Variants in DNAI3 observed in about 807,000 individuals in gnomAD.
The protein encoded by DNAI3 is WD repeat domain 63.
A neutral mutation model predicts 115.5 loss-of-function variants in DNAI3; 83 were observed. That is an observed-to-expected ratio of 0.72 (90% CI 0.60 to 0.86). The LOEUF is 0.86. Among genes scored for constraint, DNAI3 ranks in the 40% least tolerant of loss-of-function variants. DNAI3 has a pLI of 0.00. For synonymous variants in DNAI3, 320 were observed against 347.0 expected (o/e 0.92, Z 0.86); for missense variants, 1,004 against 1,075.8 (o/e 0.93, Z 0.93).
intron 14 of DNAI3, among the ~76,000 whole-genome samples, chr1:85,104,989 A>C (rs921926707): frequency 1.3e-5 from 2 of 152,238 alleles, no homozygotes; most frequent in African/African-American, 4.8e-5. Flanking sequence ...TATTTATAAA[A>C]AGTGTTTTTA....
At chr1:85,100,044 C>A (rs1045041745) in intron 13 of DNAI3, among the ~76,000 whole-genome samples, 4 of 152,150 alleles carry the variant, frequency 2.6e-5, no homozygotes, top group Admixed American at 1.3e-4. Flanking sequence ...GGCAATACCA[C>A]TCAGGACATA....
Position 85,093,646 on chromosome 1 carries a change from A to G in DNAI3, c.1046A>G (p.Tyr349Cys), listed in dbSNP as rs1025696559. The change falls in exon 9 of 23, where the codon TAT becomes TGT. Residue 349 changes from tyrosine (Y) to cysteine (C), a missense_variant and splice_region_variant. Around this residue, in one of 3 missense-constraint regions of DNAI3, gnomAD observed 550 missense variants for 568.1 expected, o/e 0.97. Transcript: ENST00000294664. ...ITCVSWHPTI[Y>C]GLIAVSVAVR... ...TGTGTCTCATGGCATCCAACTATCTATGGTGAGATGGAAATGATGGGGATT... is the reference window on the plus strand; with the variant it reads ...TGTGTCTCATGGCATCCAACTATCTGTGGTGAGATGGAAATGATGGGGATT... 6.2e-7 allele frequency: 1 copy of G among 1,613,770 alleles called. No homozygotes were observed. Among genetic ancestry groups the G allele is most frequent in the Non-Finnish European group, 8.5e-7 (1 of 1,179,648 alleles).
At chr1:85,103,533 T>A (rs924691085) in intron 13 of DNAI3, among the ~76,000 whole-genome samples, 1 of 152,172 alleles carries the variant, frequency 6.6e-6, no homozygotes, top group African/African-American at 2.4e-5. Context: ...AGAGCCTACA[T>A]TTCTAATAAT....
At chr1:85,062,521 A>T (rs185743738) in intron 1 of DNAI3, 35 bp downstream of exon 1, 1 of 152,348 alleles carries the variant, frequency 6.6e-6, no homozygotes, top group East Asian at 1.9e-4. Flanking sequence ...GGCGGCTTGG[A>T]AAACAAGTAT....
At chr1:85,067,994 A>G (rs1654148687) in intron 1 of DNAI3, among the ~76,000 whole-genome samples, 1 of 152,224 alleles carries the variant, frequency 6.6e-6, no homozygotes, top group Non-Finnish European at 1.5e-5. Flanking sequence ...TTGTTACAGC[A>G]TTAAGAGAAA....
At chr1:85,098,719 AAAG>A (rs1472238034) in intron 13 of DNAI3, 61 bp downstream of exon 13, 87 of 1,584,468 alleles carry the variant, frequency 5.5e-5, no homozygotes, top group Non-Finnish European at 1.7e-6. Context: ...GATTTTATGC[AAAG>A]AAGATGTTTC....
rs558177068 is a variant in DNAI3, at chr1:85,104,601, A to T, written c.1553+4A>T. 1 of 1,613,212 alleles carries T rather than the reference A, an allele frequency of 6.2e-7. No individual in the cohort carries two copies. The highest frequency in any genetic ancestry group is 8.5e-7 in the Non-Finnish European group (1 of 1,179,416). ...TTGTCACATGTTCAGCAGATTGGTAAGTCTTGTTTCAAACATTTCCTAATG... is the reference window on the plus strand; with the variant it reads ...TTGTCACATGTTCAGCAGATTGGTATGTCTTGTTTCAAACATTTCCTAATG... On this transcript the variant is annotated splice_donor_region_variant and intron_variant, in intron 14 of 22. Coordinates refer to ENST00000294664, the MANE Select transcript of DNAI3 (RefSeq NM_145172.5).
rs750437205 is a variant in DNAI3, at chr1:85,130,148, C to G, written c.2532+36C>G. 228 of 1,611,160 alleles carry G rather than the reference C, an allele frequency of 1.4e-4. 1 individual carries two copies. The East Asian group carries it at 5.0e-3, about 35-fold the overall frequency. On this transcript the variant is annotated intron_variant, in intron 22 of 22. Coordinates refer to ENST00000294664, the MANE Select transcript of DNAI3 (RefSeq NM_145172.5). The stretch of plus-strand genomic sequence containing the variant: ...TTTCAGAAATGAAAGATGTTTTCCT[C>G]GAACACCAGTGGAAATATATTTGTT...
Position 85,071,977 on chromosome 1 carries a change from C to CA in DNAI3, c.43dup (p.Arg15LysfsTer9), listed in dbSNP as rs74765968. ...AACAAAAGAAAAAGACATCACGTGGCAAAAAAAGACTAAAACCAGTATTAG... is the reference window on the plus strand; with the variant it reads ...AACAAAAGAAAAAGACATCACGTGGCAAAAAAAAGACTAAAACCAGTATTAG... On this transcript the variant is annotated frameshift_variant, in exon 2 of 23. Coordinates refer to ENST00000294664, the MANE Select transcript of DNAI3 (RefSeq NM_145172.5). LOFTEE classifies it high-confidence loss of function. The CA allele has an allele frequency of 3.7e-6, 6 of 1,609,788 alleles. No homozygotes were observed. Among genetic ancestry groups the CA allele is most frequent in the South Asian group, 3.3e-5 (3 of 90,018 alleles).
rs57553075 is a variant in DNAI3, at chr1:85,066,314, CTTTTTTTTTTT to C, written c.-15+3844_-15+3854del. Among the ~76,000 whole-genome samples the C allele has an allele frequency of 2.9e-4, 20 of 70,036 alleles. No homozygotes were observed. In the East Asian group the frequency reaches 5.4e-3, roughly 19 times the overall value. The allele number at this position is 70,036 out of a possible 152,430, so 45.9% of individuals were successfully genotyped here. ...TAGACGAATTATCTCTTCTGCTACT[CTTTTTTTTTTT>C]TTTTTTTTTTTTTTTGAGATGGAGT... On this transcript the variant is annotated intron_variant, in intron 1 of 22. Transcript: ENST00000294664.
At chr1:85,070,106 C>CA (rs1354110511) in intron 1 of DNAI3, among the ~76,000 whole-genome samples, 1 of 151,966 alleles carries the variant, frequency 6.6e-6, no homozygotes, top group Non-Finnish European at 1.5e-5. Context: ...ACTAAAAATA[C>CA]AAAAATTAGC....
In DNAI3 at chr1:85,111,022, C is replaced by T. The variant is rs143432326; in HGVS notation, c.1786+887C>T. On this transcript the variant is annotated intron_variant, in intron 16 of 22. Coordinates refer to ENST00000294664, the MANE Select transcript of DNAI3 (RefSeq NM_145172.5). Reference sequence around the variant, plus strand: ...ATAAAGGTATGCATGAATATCCCACCTGGAGAGCAATGCATAATGAAAATG... The same window carrying T: ...ATAAAGGTATGCATGAATATCCCACTTGGAGAGCAATGCATAATGAAAATG... Among the ~76,000 whole-genome samples, 603 of 152,270 alleles carry T rather than the reference C, an allele frequency of 4.0e-3. 6 individuals carry two copies. Among genetic ancestry groups the T allele is most frequent in the African/African-American group, 0.014 (577 of 41,554 alleles).
chr1:85,128,739 T>C lies in DNAI3; in HGVS notation c.2349T>C (p.Tyr783=), dbSNP rs761391364. 1 of 1,611,896 alleles carries C rather than the reference T, an allele frequency of 6.2e-7. No homozygotes were observed. The highest frequency in any genetic ancestry group is 8.5e-7 in the Non-Finnish European group (1 of 1,179,614). ...AGCAATTTATAGCCACAGCTGATTA[T>C]TATGGAACACTGCATATATTAGAAA... The part of the protein sequence containing the change: ...SKQQFIATAD[Y]YGTLHILEIP... Residue 783 remains tyrosine, a synonymous_variant, in exon 21 of 23, where the codon TAT becomes TAC. Transcript: ENST00000294664.
chr1:85,077,323 A>ACCTAAAGG (rs1274762754), intron 3 of DNAI3, among the ~76,000 whole-genome samples: 1 of 152,318 alleles, frequency 6.6e-6, no homozygotes, highest in East Asian at 1.9e-4. Flanking sequence ...GGAATCATAG[A>ACCTAAAGG]CCTAAAGGTA....
At chr1:85,099,658 T>C (rs1420270939) in intron 13 of DNAI3, among the ~76,000 whole-genome samples, 2 of 152,170 alleles carry the variant, frequency 1.3e-5, no homozygotes, top group Admixed American at 6.5e-5. Context: ...GAGCCCGCAT[T>C]GCCAAGTCAA....
rs376334573 is a variant in DNAI3 at position 85,110,155 on chromosome 1, T to TAA, written c.1786+33_1786+34dup. On this transcript the variant is annotated intron_variant, in intron 16 of 22. Coordinates refer to ENST00000294664, the MANE Select transcript of DNAI3 (RefSeq NM_145172.5). ...CACAAGGTAACTGCCTTTGCTTATT[T>TAA]AAAAAAAAAAAAAAGGCCGGGCGCG... 1.3e-4 allele frequency: 183 copies of TAA among 1,396,880 alleles called. 1 individual carries two copies. Among genetic ancestry groups the TAA allele is most frequent in the African/African-American group, 3.2e-4 (21 of 66,122 alleles). The allele number at this position is 1,396,880 out of a possible 1,614,324, so 86.5% of individuals were successfully genotyped here.
chr1:85,112,441 C>T (rs961715538), intron 16 of DNAI3, among the ~76,000 whole-genome samples: 8 of 152,146 alleles, frequency 5.3e-5, no homozygotes, highest in African/African-American at 1.9e-4. Flanking sequence ...TCATATTTTC[C>T]TGGGTACATC....
rs138379333 is a variant in DNAI3 at position 85,093,522 on chromosome 1, G to T, written c.922G>T (p.Ala308Ser). Residue 308 changes from alanine to serine, a missense_variant, in exon 9 of 23, where the codon GCA (alanine) becomes TCA (serine). Coordinates refer to ENST00000294664, the MANE Select transcript of DNAI3 (RefSeq NM_145172.5). Reference protein sequence around the residue: ...NTFIDDWKYLAEEEGTFGDKT... With the variant: ...NTFIDDWKYLSEEEGTFGDKT... ...ATTTATTGATGACTGGAAATACCTC[G>T]CAGAAGAAGAAGGCACCTTTGGGGA... 1 of 1,613,994 alleles carries T rather than the reference G, an allele frequency of 6.2e-7. No individual in the cohort carries two copies.
intron 13 of DNAI3, among the ~76,000 whole-genome samples, chr1:85,099,654 G>A (rs1003672263): frequency 2.6e-5 from 4 of 152,128 alleles, no homozygotes; most frequent in South Asian, 2.1e-4. Context: ...AAAAGAGCCC[G>A]CATTGCCAAG....
Sources: allele counts gnomAD v4.1 joint callset (sites outside exome capture counted in the v4.1 genomes callset), GRCh38; gene constraint gnomAD v4.1.1; regional missense constraint gnomAD v4.1.1; transcripts MANE v1.5; gene names NCBI Gene and HGNC (gene_info 2026-07-23, HGNC 2026-07-21).